Variants in STK39 observed in about 807,000 individuals in gnomAD.
The protein encoded by STK39 is STE20/SPS1-related proline-alanine-rich protein kinase.
STK39 carries 20 observed loss-of-function variants against 77.8 expected under a neutral mutation model. The observed-to-expected ratio is 0.26, with a 90% CI of 0.18 to 0.37. The LOEUF is 0.37. Ranked by LOEUF, STK39 falls within the 10% of genes least tolerant of loss-of-function variation. STK39 has a pLI of 1.00. For synonymous variants in STK39, 246 were observed against 234.1 expected, an observed-to-expected ratio of 1.05 and a Z score of -0.47; for missense variants, 479 against 656.5, an observed-to-expected ratio of 0.73 and a Z score of 2.95.
chr2:168,075,760 G>T (rs1279696089), intron 10 of STK39, among the ~76,000 whole-genome samples: 1 of 151,820 alleles, frequency 6.6e-6, no homozygotes, highest in Non-Finnish European at 1.5e-5. Flanking sequence ...TGACAATTAT[G>T]CTTATTTCCC....
intron 5 of STK39, among the ~76,000 whole-genome samples, chr2:168,161,582 T>TA (rs1180760835): frequency 2.6e-5 from 4 of 152,192 alleles, no homozygotes; most frequent in Non-Finnish European, 4.4e-5. Context: ...AGCTATGTAC[T>TA]AAAATGGCAT....
intron 3 of STK39, 82 bp from the exon 4 acceptor site, chr2:168,163,962 A>G: frequency 6.7e-7 from 1 of 1,500,484 alleles, no homozygotes. Flanking sequence ...ATAAAATTTA[A>G]TAGAAACATC....
intron 5 of STK39, among the ~76,000 whole-genome samples, chr2:168,156,771 G>A (rs1048880781): frequency 6.6e-6 from 1 of 152,214 alleles, no homozygotes; most frequent in African/African-American, 2.4e-5. Flanking sequence ...TCTGGTGTCA[G>A]AGCCCATGCT....
At chr2:168,086,003 G>A (rs1014091070) in intron 10 of STK39, among the ~76,000 whole-genome samples, 14 of 152,144 alleles carry the variant, frequency 9.2e-5, no homozygotes, top group Non-Finnish European at 1.8e-4. Context: ...ACCATCTGGC[G>A]CAGTGGCATG....
intron 5 of STK39, among the ~76,000 whole-genome samples, chr2:168,143,832 T>C (rs1688059860): frequency 6.6e-6 from 1 of 152,218 alleles, no homozygotes; most frequent in Admixed American, 6.5e-5. Flanking sequence ...TCCAGCCTAC[T>C]GAATGACTTA....
At chr2:168,104,395 G>T (rs1010258699) in intron 10 of STK39, among the ~76,000 whole-genome samples, 1 of 152,122 alleles carries the variant, frequency 6.6e-6, no homozygotes, top group Non-Finnish European at 1.5e-5. Flanking sequence ...CATTGCCAAA[G>T]AAATCATTAT....
chr2:168,019,769 T>G (rs929002350), intron 14 of STK39, among the ~76,000 whole-genome samples: 2 of 152,206 alleles, frequency 1.3e-5, no homozygotes, highest in African/African-American at 4.8e-5. Flanking sequence ...AGTGGCAAGA[T>G]CTTGGCTCAC....
chr2:168,196,023 G>C (rs1689460958), intron 1 of STK39, among the ~76,000 whole-genome samples: 1 of 152,200 alleles, frequency 6.6e-6, no homozygotes, highest in Admixed American at 6.5e-5. Flanking sequence ...ATTTCAAAAG[G>C]AAAAGAAAGG....
intron 14 of STK39, among the ~76,000 whole-genome samples, chr2:168,054,030 A>G (rs1685461687): frequency 6.6e-6 from 1 of 152,260 alleles, no homozygotes; most frequent in Non-Finnish European, 1.5e-5. Context: ...GCCAGTTTCT[A>G]TTTGCAGCAG....
intron 17 of STK39, among the ~76,000 whole-genome samples, chr2:167,963,419 A>T (rs1692053178): frequency 6.6e-6 from 1 of 152,130 alleles, no homozygotes; most frequent in East Asian, 1.9e-4. Flanking sequence ...ATTACAAATT[A>T]GGAAAATGTT....
chr2:168,059,221 T>C (rs1488736067), intron 14 of STK39, among the ~76,000 whole-genome samples: 1 of 152,166 alleles, frequency 6.6e-6, no homozygotes, highest in Non-Finnish European at 1.5e-5. Context: ...AATAAACCCA[T>C]TCCTTAGTGA....
intron 16 of STK39, among the ~76,000 whole-genome samples, chr2:167,991,469 A>C (rs1683699112): frequency 6.6e-6 from 1 of 152,166 alleles, no homozygotes; most frequent in Non-Finnish European, 1.5e-5. Context: ...GAGTTGGGTT[A>C]ATGGGAATAT....
intron 10 of STK39, among the ~76,000 whole-genome samples, chr2:168,097,898 A>G (rs1686713790): frequency 6.6e-6 from 1 of 152,264 alleles, no homozygotes; most frequent in Non-Finnish European, 1.5e-5. Context: ...AGCAGTTATT[A>G]AATACTTCCT....
intron 2 of STK39, among the ~76,000 whole-genome samples, chr2:168,173,441 G>T (rs1400646): frequency 6.6e-6 from 1 of 151,996 alleles, no homozygotes; most frequent in African/African-American, 2.4e-5. Context: ...GATTTCAAAC[G>T]TCAACCAAGG....
chr2:168,068,959 T>C (rs1237644248), intron 12 of STK39, among the ~76,000 whole-genome samples: 1 of 152,194 alleles, frequency 6.6e-6, no homozygotes, highest in Non-Finnish European at 1.5e-5. Flanking sequence ...CTCAGTCACC[T>C]AGGCTGGAGT....
At chr2:167,971,432 C>T (rs1401514465) in intron 16 of STK39, among the ~76,000 whole-genome samples, 34 of 151,924 alleles carry the variant, frequency 2.2e-4, no homozygotes, top group Admixed American at 2.2e-3. Flanking sequence ...TGTGTTCTAC[C>T]CCTTTGTTTC....
At chr2:168,091,683 G>T (rs575610591) in intron 10 of STK39, among the ~76,000 whole-genome samples, 160 of 152,182 alleles carry the variant, frequency 1.1e-3, no homozygotes, top group Non-Finnish European at 1.9e-3. Context: ...ATTCATTTTT[G>T]TTACCTTTTT....
intron 4 of STK39, among the ~76,000 whole-genome samples, chr2:168,162,813 G>T (rs1006862482): frequency 6.6e-6 from 1 of 151,858 alleles, no homozygotes; most frequent in African/African-American, 2.4e-5. Flanking sequence ...AGATCATCTG[G>T]GATCAAGAGT....
intron 14 of STK39, among the ~76,000 whole-genome samples, chr2:168,034,411 G>T (rs1323878703): frequency 6.6e-6 from 1 of 152,234 alleles, no homozygotes; most frequent in Non-Finnish European, 1.5e-5. Flanking sequence ...TTCATGTGAA[G>T]TTAGAAGATA....
Sources: allele counts gnomAD v4.1 joint callset (sites outside exome capture counted in the v4.1 genomes callset), GRCh38; gene constraint gnomAD v4.1.1; transcripts MANE v1.5; gene names NCBI Gene and HGNC (gene_info 2026-07-23, HGNC 2026-07-21).